Variants in ERC1 observed in about 807,000 individuals in gnomAD.
ERC1 encodes the protein ELKS/RAB6-interacting/CAST family member 1.
In ERC1, 56 loss-of-function variants were observed where a neutral mutation model predicts 132.0. That is an observed-to-expected ratio of 0.42 (90% CI 0.34 to 0.53). The LOEUF (loss-of-function observed/expected upper bound fraction) is 0.53. Among genes scored for constraint, ERC1 ranks in the 20% least tolerant of loss-of-function variants. The pLI, the probability that ERC1 is intolerant of heterozygous loss-of-function variation, is 0.03. For synonymous variants in ERC1, 478 were observed against 476.1 expected (o/e 1.00, Z -0.05); for missense variants, 1,202 against 1,349.9 (o/e 0.89, Z 1.72).
chr12:1,403,200 C>T (rs1241258344), intron 16 of ERC1, among the ~76,000 whole-genome samples: 2 of 152,110 alleles, frequency 1.3e-5, no homozygotes, highest in Middle Eastern at 3.2e-3. Flanking sequence ...TTCCTTCTTC[C>T]CTTCTTCCTT....
At chr12:1,116,828 G>A (rs1054203026) in intron 7 of ERC1, among the ~76,000 whole-genome samples, 32 of 152,140 alleles carry the variant, frequency 2.1e-4, no homozygotes, top group Admixed American at 3.3e-4. Context: ...TGATCCGCCC[G>A]CCTCTGCCTC....
chr12:1,224,841 A>G (rs2074425574), intron 12 of ERC1, among the ~76,000 whole-genome samples: 1 of 151,684 alleles, frequency 6.6e-6, no homozygotes, highest in South Asian at 2.1e-4. Context: ...CAATAACAAA[A>G]TTAGCCAGGC....
intron 7 of ERC1, among the ~76,000 whole-genome samples, chr12:1,123,722 C>T (rs940297629): frequency 3.3e-5 from 5 of 152,178 alleles, no homozygotes; most frequent in Admixed American, 1.3e-4. Context: ...GGGCCGGGCG[C>T]GGCAGCCCAC....
At chr12:1,418,295 C>T (rs532496620) in intron 17 of ERC1, among the ~76,000 whole-genome samples, 3 of 152,232 alleles carry the variant, frequency 2.0e-5, no homozygotes, top group South Asian at 4.1e-4. Flanking sequence ...CTTCTCCTCA[C>T]CCTTCTTGCC....
At chr12:1,163,330 T>C (rs1952052536) in intron 8 of ERC1, among the ~76,000 whole-genome samples, 1 of 152,166 alleles carries the variant, frequency 6.6e-6, no homozygotes, top group Non-Finnish European at 1.5e-5. Flanking sequence ...TTCCTTCCAC[T>C]TCCAGAACAC....
At chr12:1,052,798 C>T (rs1565868232) in intron 2 of ERC1, among the ~76,000 whole-genome samples, 2 of 151,992 alleles carry the variant, frequency 1.3e-5, no homozygotes, top group African/African-American at 2.4e-5. Flanking sequence ...GGTGAAACCC[C>T]GTCTCCACTA....
At chr12:1,172,327 G>A (rs921660119) in intron 8 of ERC1, among the ~76,000 whole-genome samples, 1 of 152,098 alleles carries the variant, frequency 6.6e-6, no homozygotes, top group Non-Finnish European at 1.5e-5. Flanking sequence ...AATCGGCTGG[G>A]TGTGGTGGCA....
At chr12:1,323,894 C>T (rs566591375) in intron 15 of ERC1, among the ~76,000 whole-genome samples, 37 of 152,282 alleles carry the variant, frequency 2.4e-4, no homozygotes, top group African/African-American at 7.2e-4. Context: ...CATCTTCACC[C>T]GTTTTACCGG....
Position 1,022,922 on chromosome 12 carries a change from T to C in ERC1, c.-156-4826T>C, listed in dbSNP as rs1488506148. Reference sequence around the variant, plus strand: ...CGTTAGCCACCGCGCCCAGCCTAGATCTGATGGTTTTGTAAGGGGCTCTTC... The same window carrying C: ...CGTTAGCCACCGCGCCCAGCCTAGACCTGATGGTTTTGTAAGGGGCTCTTC... On this transcript the variant is annotated intron_variant, in intron 1 of 18. Transcript: ENST00000360905. Among the ~76,000 whole-genome samples, 3 of 152,138 alleles carry C rather than the reference T, an allele frequency of 2.0e-5. No homozygotes were observed. The East Asian group carries it at 5.8e-4, about 29-fold the overall frequency.
intron 15 of ERC1, among the ~76,000 whole-genome samples, chr12:1,351,053 C>T (rs1265237177): frequency 6.6e-6 from 1 of 152,156 alleles, no homozygotes. Context: ...GACCTGAACA[C>T]CTCCCATCAG....
chr12:1,353,541 G>A (rs2085233217), intron 15 of ERC1, among the ~76,000 whole-genome samples: 1 of 152,196 alleles, frequency 6.6e-6, no homozygotes, highest in Non-Finnish European at 1.5e-5. Context: ...AGTTCTATAA[G>A]TAATTTCCTA....
At chr12:1,302,014 G>T (rs965498851) in intron 15 of ERC1, among the ~76,000 whole-genome samples, 1 of 152,126 alleles carries the variant, frequency 6.6e-6, no homozygotes. Flanking sequence ...TTAGAATTGT[G>T]ACCCTCCTGC....
At chr12:1,333,540 C>A (rs1490559678) in intron 15 of ERC1, among the ~76,000 whole-genome samples, 2 of 151,954 alleles carry the variant, frequency 1.3e-5, no homozygotes, top group Non-Finnish European at 2.9e-5. Flanking sequence ...ACCATGTTGG[C>A]CACGGTGGTC....
intron 14 of ERC1, among the ~76,000 whole-genome samples, chr12:1,272,456 T>C (rs1452766583): frequency 6.6e-6 from 1 of 152,212 alleles, no homozygotes; most frequent in East Asian, 1.9e-4. Context: ...GAAATTCTTG[T>C]CCTCTCCCCA....
At chr12:1,223,825 A>G (rs186630267) in intron 12 of ERC1, among the ~76,000 whole-genome samples, 8 of 152,302 alleles carry the variant, frequency 5.3e-5, no homozygotes, top group East Asian at 1.9e-4. Flanking sequence ...TAAAACATCT[A>G]TGTTCACTAT....
At chr12:1,034,886 C>T (rs1290756576) in intron 2 of ERC1, among the ~76,000 whole-genome samples, 3 of 152,182 alleles carry the variant, frequency 2.0e-5, no homozygotes, top group African/African-American at 7.2e-5. Context: ...AAACAGTCCA[C>T]AGGATTTTCA....
At chr12:1,111,909 G>A (rs1029082176) in intron 5 of ERC1, among the ~76,000 whole-genome samples, 1 of 152,026 alleles carries the variant, frequency 6.6e-6, no homozygotes, top group Non-Finnish European at 1.5e-5. Context: ...GCTGCGCCTG[G>A]CCTCACATAA....
Position 1,490,339 on chromosome 12 carries a change from C to A in ERC1, c.*109C>A. 1 of 1,063,904 alleles carries A rather than the reference C, an allele frequency of 9.4e-7. No homozygotes were observed. The highest frequency in any genetic ancestry group is 1.3e-6 in the Non-Finnish European group (1 of 743,796). The allele number at this position is 1,063,904 out of a possible 1,614,324, so 65.9% of individuals were successfully genotyped here. On this transcript the variant is annotated 3_prime_UTR_variant, in exon 19 of 19. Transcript: ENST00000360905. ...TGGCACCAAACACTACAAACTTCAT[C>A]CCAACTTGCTCACTTGAAGAAGTGT...
intron 14 of ERC1, among the ~76,000 whole-genome samples, chr12:1,289,118 CACACACACACACAT>C (rs1288225545): frequency 2.1e-5 from 3 of 142,374 alleles, no homozygotes; most frequent in African/African-American, 8.3e-5. Context: ...CACACACACA[CACACACACACACAT>C]AACTATATAG....
Sources: allele counts gnomAD v4.1 joint callset (sites outside exome capture counted in the v4.1 genomes callset), GRCh38; gene constraint gnomAD v4.1.1; transcripts MANE v1.5; gene names NCBI Gene and HGNC (gene_info 2026-07-23, HGNC 2026-07-21).